Variants in CTCF observed in about 807,000 individuals in gnomAD.
CTCF encodes CCCTC-binding factor.
A neutral mutation model predicts 72.3 loss-of-function variants in CTCF; 7 were observed. That is an observed-to-expected ratio of 0.10 (90% CI 0.06 to 0.18). CTCF has a LOEUF of 0.18. CTCF is among the 10% of genes least tolerant of loss of function. The pLI is 1.00. For synonymous variants in CTCF, 374 were observed against 315.8 expected (o/e 1.18, Z -1.95); for missense variants, 516 against 949.1 (o/e 0.54, Z 6.00).
chr16:67,578,375 C>G (rs1048927278), intron 2 of CTCF, among the ~76,000 whole-genome samples: 1 of 145,216 alleles, frequency 6.9e-6, no homozygotes, highest in Non-Finnish European at 1.5e-5. Flanking sequence ...ACTCTGTTGC[C>G]CAGGCTGGAG....
intron 2 of CTCF, among the ~76,000 whole-genome samples, chr16:67,590,777 C>T (rs747112249): frequency 3.4e-4 from 51 of 151,380 alleles, no homozygotes; most frequent in African/African-American, 1.0e-3. Context: ...GCCAACATGG[C>T]GAAACCCTGT....
chr16:67,637,843 G>A lies in CTCF; in HGVS notation c.2155G>A (p.Glu719Lys), dbSNP rs2142889522. ...TGCCCCCAACGGAGACCTCACGCCC[G>A]AGATGATCCTCAGCATGATGGACCG... is the stretch of plus-strand genomic sequence containing the variant. Reference protein sequence around the residue: ...TDAPNGDLTPEMILSMMDR With the variant: ...TDAPNGDLTPKMILSMMDR Residue 719 changes from glutamate (E) to lysine (K), a missense_variant, in exon 12 of 12, where the codon GAG becomes AAG. Glu to Lys is a moderately conservative substitution (Grantham distance 56). Transcript: ENST00000264010. 1 of 1,612,140 alleles carries A rather than the reference G, an allele frequency of 6.2e-7. No individual in the cohort carries two copies. The highest frequency in any genetic ancestry group is 8.5e-7 in the Non-Finnish European group (1 of 1,179,850).
intron 5 of CTCF, among the ~76,000 whole-genome samples, 164 bp downstream of exon 5, chr16:67,617,042 T>C (rs1340297887): frequency 6.6e-6 from 1 of 152,166 alleles, no homozygotes; most frequent in African/African-American, 2.4e-5. Context: ...CTTATGATGA[T>C]TGTGAAAGAT....
Position 67,605,219 on chromosome 16 carries a change from C to T in CTCF, c.-9-5605C>T, listed in dbSNP as rs147763163. On this transcript the variant is annotated intron_variant, in intron 2 of 11. Transcript: ENST00000264010. ...CGGTCTCCTGACCTCATGATCCACC[C>T]GCCTTCGCCTCCCAAAGTGCTGGGA... Among the ~76,000 whole-genome samples, 65 of 152,030 alleles carry T rather than the reference C, an allele frequency of 4.3e-4. No individual in the cohort carries two copies. In the East Asian group the frequency reaches 0.01, roughly 24 times the overall value.
chr16:67,587,822 GA>G (rs796844991), intron 2 of CTCF, among the ~76,000 whole-genome samples: 68 of 152,202 alleles, frequency 4.5e-4, no homozygotes, highest in African/African-American at 1.4e-3. Flanking sequence ...GCTTATGTGA[GA>G]ATTATATTAG....
At chr16:67,611,928 T>G in intron 3 of CTCF, 23 bp from the exon 4 acceptor site, 1 of 1,604,224 alleles carries the variant, frequency 6.2e-7, no homozygotes, top group Non-Finnish European at 8.5e-7. Context: ...CTGCAGCAAG[T>G]AAGTGTTTTA....
At chr16:67,628,857 G>C (rs951493277) in intron 9 of CTCF, among the ~76,000 whole-genome samples, 4 of 152,248 alleles carry the variant, frequency 2.6e-5, no homozygotes, top group African/African-American at 7.2e-5. Flanking sequence ...TCAGGAGATC[G>C]AGACCATCCT....
chr16:67,575,356 A>G lies in CTCF; in HGVS notation c.-10+4092A>G, dbSNP rs59519923. On this transcript the variant is annotated intron_variant, in intron 2 of 11. Transcript: ENST00000264010. The stretch of plus-strand genomic sequence containing the variant: ...GGAGGATGAATTTTATTTTAATCCC[A>G]TTAGGACTCCAAGTCCTGGCCATGC... 2.6e-3 allele frequency among the ~76,000 whole-genome samples: 399 copies of G among 152,298 alleles called. 3 individuals carry two copies. The highest frequency in any genetic ancestry group is 9.0e-3 in the African/African-American group (376 of 41,562).
intron 2 of CTCF, among the ~76,000 whole-genome samples, chr16:67,596,426 G>C (rs2142777552): frequency 6.6e-6 from 1 of 151,998 alleles, no homozygotes; most frequent in South Asian, 2.1e-4. Context: ...TTCTTTCAGT[G>C]TTCATCTTTT....
rs559218612 is a variant in CTCF at position 67,567,003 on chromosome 16, G to A, written c.-126-4145G>A. On this transcript the variant is annotated intron_variant, in intron 1 of 11. Transcript: ENST00000264010. The stretch of plus-strand genomic sequence containing the variant: ...TGATCCTGCCACCTCAGCCTCCTGG[G>A]TAGCTGGGACTAATTTTTTCTAGGT... Among the ~76,000 whole-genome samples the A allele has an allele frequency of 1.1e-4, 17 of 152,216 alleles. No individual in the cohort carries two copies. In the South Asian group the frequency reaches 3.5e-3, roughly 32 times the overall value.
rs775691825 is a variant in CTCF at position 67,565,591 on chromosome 16, C to G, written c.-127+2867C>G. 4.0e-5 allele frequency among the ~76,000 whole-genome samples: 6 copies of G among 148,706 alleles called. No individual in the cohort carries two copies. The South Asian group carries it at 8.4e-4, about 21-fold the overall frequency. On this transcript the variant is annotated intron_variant, in intron 1 of 11. Transcript: ENST00000264010. ...GGGAGGCTGAGACAGGAGAACCGCT[C>G]GAACCTAGAAGGTGGAGGTTGCAGT... is the stretch of plus-strand genomic sequence containing the variant.
At chr16:67,574,956 C>CA (rs34256760) in intron 2 of CTCF, among the ~76,000 whole-genome samples, 1 of 152,094 alleles carries the variant, frequency 6.6e-6, no homozygotes, top group Non-Finnish European at 1.5e-5. Context: ...TGCGCCCAGC[C>CA]AAAAGCATCT....
intron 1 of CTCF, chr16:67,570,778 C>T (rs1489569720): frequency 2.8e-5 from 4 of 143,772 alleles, no homozygotes; most frequent in African/African-American, 2.6e-5. Flanking sequence ...AGATCTCTCA[C>T]TCTGTCAAGC....
chr16:67,581,036 C>T (rs2051573458), intron 2 of CTCF, among the ~76,000 whole-genome samples: 1 of 152,198 alleles, frequency 6.6e-6, no homozygotes, highest in Non-Finnish European at 1.5e-5. Context: ...TCACGCCATT[C>T]TCCTGCCTCA....
intron 4 of CTCF, among the ~76,000 whole-genome samples, chr16:67,613,502 ATAAAAG>A (rs1328397872): frequency 6.6e-6 from 1 of 152,212 alleles, no homozygotes; most frequent in Non-Finnish European, 1.5e-5. Context: ...ATATGACTAA[ATAAAAG>A]TAACTGGGTA....
intron 10 of CTCF, among the ~76,000 whole-genome samples, chr16:67,631,154 G>GTTT (rs766362012): frequency 0.011 from 1,381 of 124,694 alleles, 88 homozygotes; most frequent in African/African-American, 0.028. Flanking sequence ...TTCTTTGTTT[G>GTTT]TTTTTTTTTT....
intron 7 of CTCF, among the ~76,000 whole-genome samples, chr16:67,624,145 GTA>G (rs1198816584): frequency 6.9e-6 from 1 of 145,864 alleles, no homozygotes; most frequent in Non-Finnish European, 1.5e-5. Flanking sequence ...GTGTGTGTGT[GTA>G]TATATGTGTG....
chr16:67,589,879 G>T (rs1223489692), intron 2 of CTCF, among the ~76,000 whole-genome samples: 1 of 152,104 alleles, frequency 6.6e-6, no homozygotes, highest in East Asian at 1.9e-4. Flanking sequence ...CTAAGGTCAG[G>T]AGTTTGAGAC....
chr16:67,573,218 G>A (rs2051448545), intron 2 of CTCF, among the ~76,000 whole-genome samples: 1 of 151,700 alleles, frequency 6.6e-6, no homozygotes, highest in African/African-American at 2.4e-5. Context: ...CTGCACTCCA[G>A]CCCAGGCAAC....
Sources: allele counts gnomAD v4.1 joint callset (sites outside exome capture counted in the v4.1 genomes callset), GRCh38; gene constraint gnomAD v4.1.1; transcripts MANE v1.5; gene names NCBI Gene and HGNC (gene_info 2026-07-23, HGNC 2026-07-21).